Variants in C8A observed in about 807,000 individuals in gnomAD.
C8A encodes complement component C8 alpha chain.
C8A carries 67 observed loss-of-function variants against 65.3 expected under a neutral mutation model. That is an observed-to-expected ratio of 1.03 (90% CI 0.84 to 1.26). The LOEUF (loss-of-function observed/expected upper bound fraction) is 1.26, where lower values mean the gene tolerates loss of function less well. Ranked by LOEUF, C8A falls within the 50% of genes most tolerant of loss-of-function variation. C8A has a pLI of 0.00. For missense variants in C8A, 781 were observed against 723.9 expected (o/e 1.08, Z -0.90); for synonymous variants, 290 against 259.4 (o/e 1.12, Z -1.13).
rs142320595 is a variant in C8A at position 56,916,624 on chromosome 1, C to A, written c.1604-941C>A. 9.4e-4 allele frequency among the ~76,000 whole-genome samples: 143 copies of A among 152,242 alleles called. 2 individuals carry two copies. Among genetic ancestry groups the A allele is most frequent in the African/African-American group, 3.1e-3 (128 of 41,538 alleles). The stretch of plus-strand genomic sequence containing the variant: ...AGCTGCCCCAGCAGAGGAGGGCGAG[C>A]CTGACAGACATCCAGCTTCAAATAG... On this transcript the variant is annotated intron_variant, in intron 10 of 10. Coordinates refer to ENST00000361249, the MANE Select transcript of C8A (RefSeq NM_000562.3).
chr1:56,881,854 T>C (rs1468429934), intron 5 of C8A, among the ~76,000 whole-genome samples: 1 of 152,150 alleles, frequency 6.6e-6, no homozygotes, highest in African/African-American at 2.4e-5. Flanking sequence ...CTTGGCTCCA[T>C]TCCAAAATCA....
rs372138439 is a variant in C8A at position 56,876,043 on chromosome 1, C to G, written c.317-19C>G. 5 of 1,612,258 alleles carry G rather than the reference C, an allele frequency of 3.1e-6. No homozygotes were observed. Among genetic ancestry groups the G allele is most frequent in the African/African-American group, 1.3e-5 (1 of 74,876 alleles). ...GGGAGAGGGGAACCCGAGGAGCAGCCACAGTCTCTTCTCTCCAGGTCGCTG... is the reference window on the plus strand; with the variant it reads ...GGGAGAGGGGAACCCGAGGAGCAGCGACAGTCTCTTCTCTCCAGGTCGCTG... On this transcript the variant is annotated intron_variant, in intron 3 of 10. Coordinates refer to ENST00000361249, the MANE Select transcript of C8A (RefSeq NM_000562.3).
intron 7 of C8A, among the ~76,000 whole-genome samples, chr1:56,888,082 G>A (rs980312375): frequency 3.9e-5 from 6 of 152,200 alleles, no homozygotes; most frequent in African/African-American, 9.6e-5. Context: ...GTATACCTAC[G>A]TAACAAACCT....
intron 7 of C8A, among the ~76,000 whole-genome samples, chr1:56,897,843 C>T (rs1401889261): frequency 1.3e-5 from 2 of 152,116 alleles, no homozygotes; most frequent in Non-Finnish European, 2.9e-5. Flanking sequence ...TCACTGAGCA[C>T]CCGTGATTTC....
At position 56,876,876 on chromosome 1, in the gene C8A, C is replaced by T. The variant is rs942666060; in HGVS notation, c.464+667C>T. Among the ~76,000 whole-genome samples the T allele has an allele frequency of 8.5e-5, 13 of 152,292 alleles. 1 individual carries two copies. The highest frequency in any genetic ancestry group is 6.2e-4 in the South Asian group (3 of 4,828). On this transcript the variant is annotated intron_variant, in intron 4 of 10. Transcript: ENST00000361249. ...CTTTCCCGAATTCCTACCTGGGTAACTCCTCATCTAATGTTCTGCACTGAA... is the reference window on the plus strand; with the variant it reads ...CTTTCCCGAATTCCTACCTGGGTAATTCCTCATCTAATGTTCTGCACTGAA...
intron 7 of C8A, 115 bp downstream of exon 7, chr1:56,886,282 C>T: frequency 8.1e-7 from 1 of 1,227,358 alleles, no homozygotes; most frequent in South Asian, 1.2e-5. Flanking sequence ...GTTTTTAGGA[C>T]AACTCTATAG....
In C8A at chr1:56,883,602, G is replaced by A. The variant is rs1255195283; in HGVS notation, c.776G>A (p.Ser259Asn). 6 of 1,613,940 alleles carry A rather than the reference G, an allele frequency of 3.7e-6. No homozygotes were observed. Among genetic ancestry groups the A allele is most frequent in the Non-Finnish European group, 5.1e-6 (6 of 1,179,942 alleles). The change falls in exon 6 of 11, where the codon AGC (serine) becomes AAC (asparagine). Residue 259 changes from serine (S) to asparagine (N), a missense_variant. By Grantham distance (46) the Ser-to-Asn change is conservative. Transcript: ENST00000361249. The stretch of plus-strand genomic sequence containing the variant: ...ACCATCGGCATAGGCCCAGCCGGCA[G>A]CCCTTTATTGGTGGGTGTAGGTGTA... ...GVTIGIGPAGSPLLVGVGVSH... is the reference protein window; with the variant it reads ...GVTIGIGPAGNPLLVGVGVSH...
chr1:56,884,066 C>T (rs1253822680), intron 6 of C8A, among the ~76,000 whole-genome samples: 3 of 132,868 alleles, frequency 2.3e-5, no homozygotes, highest in African/African-American at 3.2e-5. Context: ...GACTGGTATG[C>T]TAAAAAAAAA....
At chr1:56,891,099 A>T (rs976452357) in intron 7 of C8A, among the ~76,000 whole-genome samples, 3 of 152,154 alleles carry the variant, frequency 2.0e-5, no homozygotes, top group African/African-American at 7.2e-5. Flanking sequence ...GAGTAACTTC[A>T]GGGGGTGAGG....
Position 56,881,699 on chromosome 1 carries a change from T to C in C8A, c.654+65T>C, listed in dbSNP as rs1322091763. 3 of 1,445,004 alleles carry C rather than the reference T, an allele frequency of 2.1e-6. No homozygotes were observed. In the East Asian group the frequency reaches 6.8e-5, roughly 33 times the overall value. The allele number at this position is 1,445,004 out of a possible 1,614,324, so 89.5% of individuals were successfully genotyped here. A position where few individuals can be genotyped will look rare whatever the true frequency, so the allele number is the denominator to read the frequency against. ...AGGTGGCAGAGAGGCAGAGGCCTAT[T>C]TGTGGAGATGACTTGCTCTGGAAGC... On this transcript the variant is annotated intron_variant, in intron 5 of 10. Coordinates refer to ENST00000361249, the MANE Select transcript of C8A (RefSeq NM_000562.3).
At chr1:56,875,133 A>G (rs1644186183) in intron 3 of C8A, 40 bp downstream of exon 3, 1 of 1,607,600 alleles carries the variant, frequency 6.2e-7, no homozygotes, top group South Asian at 1.1e-5. Flanking sequence ...GTGCCTGTCA[A>G]AAGTGACATG....
At chr1:56,896,223 A>G (rs1262254427) in intron 7 of C8A, among the ~76,000 whole-genome samples, 1 of 152,138 alleles carries the variant, frequency 6.6e-6, no homozygotes, top group Admixed American at 6.6e-5. Context: ...TTTATATAAA[A>G]TGTATATATA....
chr1:56,892,333 C>T (rs150114202), intron 7 of C8A, among the ~76,000 whole-genome samples: 1 of 152,126 alleles, frequency 6.6e-6, no homozygotes, highest in Non-Finnish European at 1.5e-5. Context: ...TACCAAGACT[C>T]CTCACCTAAG....
chr1:56,859,860 G>A (rs192722670), intron 1 of C8A, among the ~76,000 whole-genome samples: 102 of 152,184 alleles, frequency 6.7e-4, no homozygotes, highest in South Asian at 1.2e-3. Flanking sequence ...TCAGGGGTTC[G>A]AGACCATCCT....
intron 7 of C8A, among the ~76,000 whole-genome samples, chr1:56,891,261 A>T (rs1296457898): frequency 1.3e-5 from 2 of 152,114 alleles, no homozygotes; most frequent in Non-Finnish European, 2.9e-5. Context: ...GCCCTGTCTG[A>T]GGAAAGAGCA....
At chr1:56,876,287 AG>A in intron 4 of C8A, 78 bp downstream of exon 4, 1 of 1,568,828 alleles carries the variant, frequency 6.4e-7, no homozygotes, top group Non-Finnish European at 8.8e-7. Flanking sequence ...TGAGGACAGA[AG>A]GGGGCCATTT....
intron 7 of C8A, among the ~76,000 whole-genome samples, chr1:56,898,482 G>C (rs1224990566): frequency 6.6e-6 from 1 of 152,116 alleles, no homozygotes; most frequent in Non-Finnish European, 1.5e-5. Context: ...ATTTGCATAT[G>C]CTATTTCTTC....
chr1:56,916,994 C>T, intron 10 of C8A, among the ~76,000 whole-genome samples: 2 of 152,172 alleles, frequency 1.3e-5, no homozygotes, highest in East Asian at 3.9e-4. Flanking sequence ...AACCTTTTCT[C>T]TGACTCCCCA....
chr1:56,917,230 A>C (rs887052808), intron 10 of C8A, among the ~76,000 whole-genome samples: 1 of 152,178 alleles, frequency 6.6e-6, no homozygotes, highest in African/African-American at 2.4e-5. Context: ...GCATTTCCCC[A>C]AGGAGGATTG....
Sources: allele counts gnomAD v4.1 joint callset (sites outside exome capture counted in the v4.1 genomes callset), GRCh38; gene constraint gnomAD v4.1.1; transcripts MANE v1.5; gene names NCBI Gene and HGNC (gene_info 2026-07-23, HGNC 2026-07-21).